LRRTM4: variants seen among roughly 807,000 people sequenced by gnomAD.
The protein encoded by LRRTM4 is leucine rich repeat transmembrane neuronal 4, also known as leucine-rich repeat transmembrane neuronal protein 4.
Under a neutral mutation model 47.6 loss-of-function variants are expected in LRRTM4, and 25 were observed. The observed-to-expected ratio is 0.53, with a 90% CI of 0.38 to 0.73. The LOEUF (loss-of-function observed/expected upper bound fraction) is 0.73, where lower values mean the gene tolerates loss of function less well. Among genes scored for constraint, LRRTM4 ranks in the 30% least tolerant of loss-of-function variants. The pLI is 0.00. For missense variants in LRRTM4, 638 were observed against 713.4 expected (o/e 0.89, Z 1.20); for synonymous variants, 311 against 269.5 (o/e 1.15, Z -1.51).
At chr2:76,857,200 A>G (rs1348046674) in intron 3 of LRRTM4, among the ~76,000 whole-genome samples, 1 of 151,210 alleles carries the variant, frequency 6.6e-6, no homozygotes, top group Non-Finnish European at 1.5e-5. Context: ...AACCTTTATG[A>G]TAATGTACTT....
At chr2:77,183,901 G>A (rs1425760486) in intron 3 of LRRTM4, among the ~76,000 whole-genome samples, 2 of 152,110 alleles carry the variant, frequency 1.3e-5, no homozygotes, top group African/African-American at 2.4e-5. Context: ...ATGGACACGG[G>A]AAGGGGAACA....
chr2:76,824,351 A>T (rs2103868589), intron 3 of LRRTM4, among the ~76,000 whole-genome samples: 1 of 151,636 alleles, frequency 6.6e-6, no homozygotes, highest in Admixed American at 6.6e-5. Flanking sequence ...ACAATTTTTA[A>T]CTTGTGTTTG....
intron 3 of LRRTM4, among the ~76,000 whole-genome samples, chr2:77,065,063 T>G (rs1398619296): frequency 1.3e-5 from 2 of 152,168 alleles, no homozygotes; most frequent in Non-Finnish European, 2.9e-5. Context: ...GGAATAATAA[T>G]TAATAATAAT....
At chr2:76,773,024 C>T (rs1047424094) in intron 3 of LRRTM4, 1 of 152,116 alleles carries the variant, frequency 6.6e-6, no homozygotes. Context: ...GTTTCATTCA[C>T]GAATTGAAGG....
rs548549275 is a variant in LRRTM4, at chr2:77,112,885, C to T, written c.1552-363969G>A. On this transcript the variant is annotated intron_variant, in intron 3 of 3. Coordinates refer to ENST00000409884, the MANE Select transcript of LRRTM4 (RefSeq NM_001134745.3). ...TTTTGTTGCTGGACGGAACGCATGG[C>T]CATTTTACACTCATGGTTCGCATTC... Among the ~76,000 whole-genome samples, 8 of 152,202 alleles carry T rather than the reference C, an allele frequency of 5.3e-5. No individual in the cohort carries two copies. The East Asian group carries it at 1.6e-3, about 30-fold the overall frequency.
chr2:77,042,623 T>C (rs887820493), intron 3 of LRRTM4, among the ~76,000 whole-genome samples: 1 of 151,612 alleles, frequency 6.6e-6, no homozygotes, highest in South Asian at 2.1e-4. Context: ...TTTTATTGTA[T>C]AGAAAATCTT....
chr2:77,207,970 C>G (rs200500220), intron 3 of LRRTM4, among the ~76,000 whole-genome samples: 1 of 147,634 alleles, frequency 6.8e-6, no homozygotes, highest in East Asian at 2.1e-4. Context: ...CCTCTGCCTC[C>G]TGGGTTCAAG....
intron 3 of LRRTM4, among the ~76,000 whole-genome samples, chr2:77,110,399 C>T (rs1671218393): frequency 6.6e-6 from 1 of 152,060 alleles, no homozygotes; most frequent in Admixed American, 6.5e-5. Flanking sequence ...TAAAGTTTCT[C>T]CTGTAAGATA....
intron 3 of LRRTM4, among the ~76,000 whole-genome samples, chr2:76,856,056 T>C (rs995193074): frequency 2.0e-5 from 3 of 152,082 alleles, no homozygotes; most frequent in Admixed American, 1.3e-4. Context: ...GTGGGCGGAT[T>C]ACCTGAGGTC....
chr2:76,812,700 C>CTTTCTTTCT (rs1553413502), intron 3 of LRRTM4, among the ~76,000 whole-genome samples: 2 of 135,332 alleles, frequency 1.5e-5, no homozygotes, highest in African/African-American at 5.4e-5. Flanking sequence ...TCTTTCTTTT[C>CTTTCTTTCT]TTTCTTTATT....
At chr2:77,282,300 C>T (rs1158380048) in intron 3 of LRRTM4, among the ~76,000 whole-genome samples, 2 of 151,764 alleles carry the variant, frequency 1.3e-5, no homozygotes, top group African/African-American at 4.8e-5. Flanking sequence ...TATCCTGAAA[C>T]TTTACTGAAG....
chr2:77,244,929 A>G (rs1675390047), intron 3 of LRRTM4, among the ~76,000 whole-genome samples: 1 of 152,168 alleles, frequency 6.6e-6, no homozygotes. Context: ...TTCCTGGTAG[A>G]GCCTTGATAC....
chr2:77,180,502 C>G (rs1673317907), intron 3 of LRRTM4, among the ~76,000 whole-genome samples: 1 of 152,126 alleles, frequency 6.6e-6, no homozygotes, highest in Non-Finnish European at 1.5e-5. Flanking sequence ...GCCTTAATTA[C>G]TGCAACAATA....
At position 76,812,800 on chromosome 2, in the gene LRRTM4, T is replaced by A. The variant is rs796283455; in HGVS notation, c.1552-63884A>T. 3.4e-4 allele frequency among the ~76,000 whole-genome samples: 16 copies of A among 46,868 alleles called. No individual in the cohort carries two copies. The South Asian group carries it at 0.015, about 43-fold the overall frequency. 30.7% of individuals were successfully genotyped at this position (46,868 alleles called of 152,430 possible). ...CCCCTCCTCCTCTCCCTCCCCCCCC[T>A]CCTCCTCCTTATTCTTCCTCTTGCA... On this transcript the variant is annotated intron_variant, in intron 3 of 3. Transcript: ENST00000409884.
intron 3 of LRRTM4, among the ~76,000 whole-genome samples, chr2:77,504,472 A>G (rs2104085874): frequency 6.6e-6 from 1 of 151,796 alleles, no homozygotes; most frequent in South Asian, 2.1e-4. Flanking sequence ...TGGAGGAATC[A>G]TTCAGACATT....
chr2:77,369,256 A>G (rs1672568541), intron 3 of LRRTM4, among the ~76,000 whole-genome samples: 1 of 151,464 alleles, frequency 6.6e-6, no homozygotes, highest in Admixed American at 6.6e-5. Context: ...CATTTTGTCA[A>G]TTGTTTTTTG....
At chr2:76,948,244 G>A (rs576459145) in intron 3 of LRRTM4, among the ~76,000 whole-genome samples, 2 of 151,958 alleles carry the variant, frequency 1.3e-5, no homozygotes, top group East Asian at 1.9e-4. Flanking sequence ...ATAGATAGAA[G>A]TGATGACAAA....
chr2:77,188,431 T>C (rs1429513558), intron 3 of LRRTM4, among the ~76,000 whole-genome samples: 2 of 152,172 alleles, frequency 1.3e-5, no homozygotes, highest in East Asian at 1.9e-4. Context: ...TAATGAAACA[T>C]ATCATTGTTT....
At chr2:77,190,795 C>T (rs1046470494) in intron 3 of LRRTM4, among the ~76,000 whole-genome samples, 5 of 152,068 alleles carry the variant, frequency 3.3e-5, no homozygotes, top group African/African-American at 7.2e-5. Flanking sequence ...TATGTGGGCT[C>T]ACTGAAGTTA....
Sources: allele counts gnomAD v4.1 joint callset (sites outside exome capture counted in the v4.1 genomes callset), GRCh38; gene constraint gnomAD v4.1.1; transcripts MANE v1.5; gene names NCBI Gene and HGNC (gene_info 2026-07-23, HGNC 2026-07-21).